Variants in NR2C1 observed in about 807,000 individuals in gnomAD.
NR2C1 encodes the protein TR2 nuclear hormone receptor.
NR2C1 carries 33 observed loss-of-function variants against 74.8 expected under a neutral mutation model. The observed-to-expected ratio is 0.44, with a 90% CI of 0.33 to 0.59. NR2C1 has a LOEUF of 0.59. Among genes scored for constraint, NR2C1 ranks in the 20% least tolerant of loss-of-function variants. The pLI, the probability that NR2C1 is intolerant of heterozygous loss-of-function variation, is 0.02. For missense variants in NR2C1, 568 were observed against 715.6 expected, an observed-to-expected ratio of 0.79 and a Z score of 2.35; for synonymous variants, 225 against 240.6, an observed-to-expected ratio of 0.94 and a Z score of 0.60.
At chr12:95,041,731 A>G (rs745329654) in intron 9 of NR2C1, among the ~76,000 whole-genome samples, 53 of 152,068 alleles carry the variant, frequency 3.5e-4, no homozygotes, top group Non-Finnish European at 1.2e-4. Flanking sequence ...TAGTCTGGAG[A>G]AGAATTAGTC....
At chr12:95,030,885 A>G in intron 11 of NR2C1, 1 of 1,595,140 alleles carries the variant, frequency 6.3e-7, no homozygotes, top group South Asian at 1.1e-5. Context: ...TAGGAAAGGA[A>G]AAACAGAATA....
chr12:95,030,717 C>T, intron 11 of NR2C1: 4 of 1,601,752 alleles, frequency 2.5e-6, no homozygotes, highest in South Asian at 2.3e-5. Flanking sequence ...AAGGTAGTCC[C>T]CAATTTATAA....
intron 9 of NR2C1, among the ~76,000 whole-genome samples, chr12:95,041,115 CAT>C (rs1871469308): frequency 2.0e-5 from 3 of 152,130 alleles, no homozygotes; most frequent in Non-Finnish European, 2.9e-5. Context: ...GCAGTGAAAA[CAT>C]ATGGAATTGT....
rs772033929 is a variant in NR2C1, at chr12:95,057,736, ACTTTCACTATCTGTTACAAAAGTTG to A, written c.662_686del (p.Pro221LeufsTer8). The A allele has an allele frequency of 1.2e-6, 2 of 1,613,806 alleles. No homozygotes were observed. Among genetic ancestry groups the A allele is most frequent in the Non-Finnish European group, 1.7e-6 (2 of 1,179,940 alleles). Reference sequence around the variant, plus strand: ...CAGTGTCTGTTTTACTTTACCTTGTACTTTCACTATCTGTTACAAAAGTTGGAGTTGCAGTTAATGGGCTACGAAG... The same window carrying A: ...CAGTGTCTGTTTTACTTTACCTTGTAGAGTTGCAGTTAATGGGCTACGAAG... On this transcript the variant is annotated frameshift_variant, in exon 6 of 14. Transcript: ENST00000333003. LOFTEE classifies it high-confidence loss of function.
rs1050943051 is a variant in NR2C1, at chr12:95,022,148, G to A, written c.*81C>T. 93 of 1,106,064 alleles carry A rather than the reference G, an allele frequency of 8.4e-5. No individual in the cohort carries two copies. The highest frequency in any genetic ancestry group is 6.4e-4 in the Middle Eastern group (3 of 4,700). 68.5% of individuals were successfully genotyped at this position (1,106,064 alleles called of 1,614,324 possible). A position where few individuals can be genotyped will look rare whatever the true frequency, so the allele number is the denominator to read the frequency against. On this transcript the variant is annotated 3_prime_UTR_variant, in exon 14 of 14. Coordinates refer to ENST00000333003, the MANE Select transcript of NR2C1 (RefSeq NM_003297.4). The stretch of plus-strand genomic sequence containing the variant: ...CTTTTTAAAGTAAAAATTTCCAGAT[G>A]CCTCAAAAGCAGTGAGTTCAATTTG...
intron 12 of NR2C1, among the ~76,000 whole-genome samples, chr12:95,026,105 G>C (rs1297163151): frequency 6.6e-6 from 1 of 151,656 alleles, no homozygotes; most frequent in African/African-American, 2.4e-5. Flanking sequence ...TACTTGGGAG[G>C]CTGAGGCAGG....
At position 95,047,252 on chromosome 12, in the gene NR2C1, T is replaced by C. The variant is rs549222449; in HGVS notation, c.1131+1816A>G. ...GAATACGAAAGAACAATGGGAAAAA[T>C]CAAGTTTTGCCTTGCTCCACCCTTG... On this transcript the variant is annotated intron_variant, in intron 9 of 13. Coordinates refer to ENST00000333003, the MANE Select transcript of NR2C1 (RefSeq NM_003297.4). 3.9e-5 allele frequency among the ~76,000 whole-genome samples: 6 copies of C among 152,192 alleles called. No individual in the cohort carries two copies. The South Asian group carries it at 1.2e-3, about 32-fold the overall frequency.
At chr12:95,053,045 G>A (rs1217813819) in intron 7 of NR2C1, among the ~76,000 whole-genome samples, 1 of 151,566 alleles carries the variant, frequency 6.6e-6, no homozygotes, top group Non-Finnish European at 1.5e-5. Context: ...GTGCAGTGGT[G>A]TGATCTCAGC....
chr12:95,067,723 C>A lies in NR2C1; in HGVS notation c.-7-332G>T, dbSNP rs528882191. Among the ~76,000 whole-genome samples, 18 of 151,964 alleles carry A rather than the reference C, an allele frequency of 1.2e-4. No individual in the cohort carries two copies. The South Asian group carries it at 1.2e-3, about 11-fold the overall frequency. On this transcript the variant is annotated intron_variant, in intron 1 of 13. Transcript: ENST00000333003. Reference sequence around the variant, plus strand: ...GAACTACAGGTATACACCACCACACCTGGCTAATTTTTTATTTTTTGTACA... The same window carrying A: ...GAACTACAGGTATACACCACCACACATGGCTAATTTTTTATTTTTTGTACA...
chr12:95,033,680 C>T (rs77977938), intron 10 of NR2C1, among the ~76,000 whole-genome samples: 3,158 of 152,252 alleles, frequency 0.021, 100 homozygotes, highest in African/African-American at 0.072. Context: ...AACATTATTC[C>T]TCTCTCAACA....
At position 95,030,707 on chromosome 12, in the gene NR2C1, AAGGT is replaced by A. The variant is rs1182844788; in HGVS notation, c.1393+638_1393+641del. On this transcript the variant is annotated intron_variant, in intron 11 of 13. Coordinates refer to ENST00000333003, the MANE Select transcript of NR2C1 (RefSeq NM_003297.4). ...GAAATAGAATATGCTAAAGAACTAA[AAGGT>A]AGTCCCCAATTTATAAATTATTCCT... The A allele has an allele frequency of 2.5e-6, 4 of 1,601,454 alleles. No individual in the cohort carries two copies. The African/African-American group carries it at 5.4e-5, about 22-fold the overall frequency.
chr12:95,022,700 ATT>A lies in NR2C1; in HGVS notation c.1638-299_1638-298del, dbSNP rs373684275. On this transcript the variant is annotated intron_variant, in intron 13 of 13. Transcript: ENST00000333003. ...GTTAAACCATGCATCAAGTTATACA[ATT>A]TTTTTTTTTTTTTTGAGAGAGGGCC... 1.1e-4 allele frequency among the ~76,000 whole-genome samples: 16 copies of A among 143,266 alleles called. 1 individual carries two copies. Among genetic ancestry groups the A allele is most frequent in the Admixed American group, 4.9e-4 (7 of 14,242 alleles). The allele number at this position is 143,266 out of a possible 152,430, so 94.0% of individuals were successfully genotyped here.
intron 3 of NR2C1, 23 bp from the exon 4 acceptor site, chr12:95,060,007 A>AC (rs1874543337): frequency 1.4e-6 from 2 of 1,472,692 alleles, no homozygotes; most frequent in Non-Finnish European, 1.8e-6. Context: ...AAAAAAAAAA[A>AC]GAAAACAAAA....
chr12:95,049,452 G>A (rs1403526158), intron 8 of NR2C1: 5 of 401,642 alleles, frequency 1.2e-5, no homozygotes, highest in Non-Finnish European at 2.2e-5. Context: ...CATAATTAAG[G>A]GGGAGAAGCA....
At chr12:95,055,619 A>G (rs1873714728) in intron 7 of NR2C1, among the ~76,000 whole-genome samples, 1 of 152,208 alleles carries the variant, frequency 6.6e-6, no homozygotes, top group Admixed American at 6.5e-5. Flanking sequence ...ATATATAACA[A>G]ATCTTGCATA....
intron 1 of NR2C1, among the ~76,000 whole-genome samples, chr12:95,068,547 C>T (rs114852875): frequency 0.013 from 2,036 of 152,228 alleles, 41 homozygotes; most frequent in African/African-American, 0.046. Context: ...GTATTCCTAG[C>T]ACTATGGGAG....
In NR2C1 at chr12:95,061,019, C is replaced by T. The variant is rs191766776; in HGVS notation, c.286-1035G>A. Among the ~76,000 whole-genome samples the T allele has an allele frequency of 2.5e-4, 38 of 152,250 alleles. 1 individual carries two copies. The East Asian group carries it at 7.1e-3, about 29-fold the overall frequency. Reference sequence around the variant, plus strand: ...TGGTGCTAATCTTTTATCTATTATTCCTAAGTCTGGAAGGAGATATTGAGA... The same window carrying T: ...TGGTGCTAATCTTTTATCTATTATTTCTAAGTCTGGAAGGAGATATTGAGA... On this transcript the variant is annotated intron_variant, in intron 3 of 13. Transcript: ENST00000333003.
At chr12:95,045,728 A>G (rs1474338300) in intron 9 of NR2C1, among the ~76,000 whole-genome samples, 1 of 152,250 alleles carries the variant, frequency 6.6e-6, no homozygotes, top group Non-Finnish European at 1.5e-5. Context: ...TATAATTTCT[A>G]AAATGGGAAT....
chr12:95,031,938 G>A (rs1870168837), intron 10 of NR2C1, among the ~76,000 whole-genome samples: 1 of 152,180 alleles, frequency 6.6e-6, no homozygotes, highest in Non-Finnish European at 1.5e-5. Flanking sequence ...CGTGATCTCT[G>A]CTCACTGCAA....
Sources: gnomAD v4.1 joint callset for allele counts (sites outside exome capture counted in the v4.1 genomes callset) on GRCh38, gnomAD v4.1.1 for gene constraint, MANE v1.5 for transcripts, NCBI Gene and HGNC (gene_info 2026-07-23, HGNC 2026-07-21) for gene names.